Variants in LRRC7 observed in about 807,000 individuals in gnomAD.
LRRC7 encodes leucine rich repeat containing 7.
LRRC7 carries 23 observed loss-of-function variants against 175.7 expected under a neutral mutation model. The ratio of observed to expected loss-of-function variants is 0.13; its 90% CI spans 0.09 to 0.19. The LOEUF is 0.19. LRRC7 is among the 10% of genes least tolerant of loss of function. The pLI, the probability that LRRC7 is intolerant of heterozygous loss-of-function variation, is 1.00. For synonymous variants in LRRC7, 685 were observed against 680.9 expected (o/e 1.01, Z -0.09); for missense variants, 1,354 against 1,904.7 (o/e 0.71, Z 5.38).
chr1:69,855,738 C>T (rs1451231167), intron 7 of LRRC7, among the ~76,000 whole-genome samples: 1 of 151,942 alleles, frequency 6.6e-6, no homozygotes, highest in Non-Finnish European at 1.5e-5. Context: ...TTAAAGTCTC[C>T]CATCATTATT....
At chr1:69,973,088 A>T (rs949263073) in intron 8 of LRRC7, among the ~76,000 whole-genome samples, 12 of 147,982 alleles carry the variant, frequency 8.1e-5, no homozygotes, top group East Asian at 5.8e-4. Flanking sequence ...TATATATAAA[A>T]AAATACTACT....
chr1:69,858,451 T>G (rs1683976033), intron 7 of LRRC7, among the ~76,000 whole-genome samples: 2 of 152,062 alleles, frequency 1.3e-5, no homozygotes, highest in African/African-American at 4.8e-5. Flanking sequence ...GAACTTATAG[T>G]ATAATAATAA....
chr1:69,952,685 C>T (rs1340691246), intron 8 of LRRC7, among the ~76,000 whole-genome samples: 1 of 151,810 alleles, frequency 6.6e-6, no homozygotes, highest in Non-Finnish European at 1.5e-5. Context: ...AGTAAGATTC[C>T]CAATGAACTA....
chr1:69,648,772 A>G (rs1197514449), intron 1 of LRRC7, among the ~76,000 whole-genome samples: 1 of 152,070 alleles, frequency 6.6e-6, no homozygotes, highest in Non-Finnish European at 1.5e-5. Flanking sequence ...TGTGTAACCA[A>G]TTTCCTTGCA....
intron 11 of LRRC7, among the ~76,000 whole-genome samples, chr1:70,002,286 T>C (rs962771388): frequency 6.6e-6 from 1 of 152,174 alleles, no homozygotes; most frequent in Non-Finnish European, 1.5e-5. Flanking sequence ...CCTTCTTCTC[T>C]ATGGGCATCA....
chr1:69,881,606 T>C (rs1371660641), intron 7 of LRRC7, among the ~76,000 whole-genome samples: 1 of 152,002 alleles, frequency 6.6e-6, no homozygotes, highest in East Asian at 1.9e-4. Context: ...AGGCTGGGTA[T>C]GGTGACTCGC....
chr1:69,982,953 AC>A (rs1293627120), intron 9 of LRRC7, among the ~76,000 whole-genome samples: 2 of 152,224 alleles, frequency 1.3e-5, no homozygotes, highest in African/African-American at 4.8e-5. Flanking sequence ...GGAACTGCAC[AC>A]CAAAATACTA....
At position 69,657,122 on chromosome 1, in the gene LRRC7, A is replaced by ATG. The variant is rs1017592263; in HGVS notation, c.3-21245_3-21244dup. On this transcript the variant is annotated intron_variant, in intron 1 of 26. Coordinates refer to ENST00000651989, the MANE Select transcript of LRRC7 (RefSeq NM_001370785.2). ...AGATACTTATATTGTGTGTGTGTGT[A>ATG]TGTGTGTGTGTGTGTTACTGGTTAC... 4.7e-4 allele frequency among the ~76,000 whole-genome samples: 71 copies of ATG among 150,352 alleles called. No individual in the cohort carries two copies. The East Asian group carries it at 9.1e-3, about 19-fold the overall frequency.
intron 7 of LRRC7, among the ~76,000 whole-genome samples, chr1:69,851,960 A>G (rs1683040849): frequency 6.6e-6 from 1 of 152,166 alleles, no homozygotes; most frequent in Non-Finnish European, 1.5e-5. Flanking sequence ...ATCTAGAACT[A>G]CAAAATTTAA....
At chr1:69,745,756 T>G (rs979180122) in intron 2 of LRRC7, among the ~76,000 whole-genome samples, 9 of 150,394 alleles carry the variant, frequency 6.0e-5, no homozygotes, top group African/African-American at 2.2e-4. Flanking sequence ...TATTTCTTAG[T>G]GGTGCAACCT....
intron 8 of LRRC7, among the ~76,000 whole-genome samples, chr1:69,939,025 ATATATCTATATATATC>A (rs1242046629): frequency 1.1e-4 from 10 of 91,428 alleles, no homozygotes; most frequent in African/African-American, 3.1e-4. Context: ...CTATATATAT[ATATATCTATATATATC>A]TATATCTATC....
In LRRC7 at chr1:70,139,852, T is replaced by A. The variant is rs969181971; in HGVS notation, c.*17965T>A. On this transcript the variant is annotated 3_prime_UTR_variant, in exon 27 of 27. Transcript: ENST00000651989. ...AACTCCAAATCCTTGTTAAAGGTTT[T>A]CCTGGACTCCTACAGTCTGGTTTGA... 3.9e-5 allele frequency: 6 copies of A among 152,198 alleles called. No homozygotes were observed. The highest frequency in any genetic ancestry group is 1.4e-4 in the African/African-American group (6 of 41,458). The allele number at this position is 152,198 out of a possible 1,614,324, so 9.4% of individuals were successfully genotyped here. A position where few individuals can be genotyped will look rare whatever the true frequency, so the allele number is the denominator to read the frequency against.
intron 23 of LRRC7, among the ~76,000 whole-genome samples, chr1:70,059,741 C>A (rs986266740): frequency 6.6e-6 from 1 of 151,826 alleles, no homozygotes; most frequent in Non-Finnish European, 1.5e-5. Flanking sequence ...TCTAAAATAT[C>A]TTTTGAAAAT....
intron 2 of LRRC7, among the ~76,000 whole-genome samples, chr1:69,684,581 G>T (rs1334258574): frequency 1.3e-5 from 2 of 152,028 alleles, no homozygotes; most frequent in African/African-American, 2.4e-5. Context: ...ATTTTGAAAG[G>T]ACTCTGAAAG....
intron 1 of LRRC7, among the ~76,000 whole-genome samples, chr1:69,646,709 T>C (rs895961901): frequency 2.0e-4 from 31 of 152,278 alleles, no homozygotes; most frequent in African/African-American, 7.2e-4. Context: ...TATCTACTCC[T>C]TGGTTCTGAA....
At chr1:69,745,209 C>T (rs1369513367) in intron 2 of LRRC7, among the ~76,000 whole-genome samples, 1 of 151,844 alleles carries the variant, frequency 6.6e-6, no homozygotes, top group Non-Finnish European at 1.5e-5. Flanking sequence ...TATTTGTAGT[C>T]CATTGAGTTA....
chr1:69,879,164 A>G (rs2101605040), intron 7 of LRRC7, among the ~76,000 whole-genome samples: 1 of 146,204 alleles, frequency 6.8e-6, no homozygotes, highest in African/African-American at 2.6e-5. Context: ...AGTATATGAG[A>G]AATCTCTGTG....
chr1:69,852,611 T>A (rs1683111291), intron 7 of LRRC7, among the ~76,000 whole-genome samples: 1 of 152,220 alleles, frequency 6.6e-6, no homozygotes, highest in South Asian at 2.1e-4. Flanking sequence ...TTTTGCTTTT[T>A]TAAAAATGTT....
At chr1:69,764,770 T>C (rs1267312273) in intron 3 of LRRC7, among the ~76,000 whole-genome samples, 2 of 150,320 alleles carry the variant, frequency 1.3e-5, no homozygotes, top group Non-Finnish European at 3.0e-5. Context: ...GATAGATAGA[T>C]AGATAGATAG....
Sources: gnomAD v4.1 joint callset for allele counts (sites outside exome capture counted in the v4.1 genomes callset) on GRCh38, gnomAD v4.1.1 for gene constraint, MANE v1.5 for transcripts, NCBI Gene and HGNC (gene_info 2026-07-23, HGNC 2026-07-21) for gene names.